ZFHX3: variants seen among roughly 807,000 people sequenced by gnomAD.
The protein encoded by ZFHX3 is zinc finger homeobox 3.
Under a neutral mutation model 279.1 loss-of-function variants are expected in ZFHX3, and 42 were observed. The ratio of observed to expected loss-of-function variants is 0.15; its 90% CI spans 0.12 to 0.19. The LOEUF is 0.19. Ranked by LOEUF, ZFHX3 falls within the 10% of genes least tolerant of loss-of-function variation. ZFHX3 has a pLI of 1.00. For synonymous variants in ZFHX3, 2,293 were observed against 1,957.8 expected (o/e 1.17, Z -4.52); for missense variants, 4,981 against 4,754.0 (o/e 1.05, Z -1.40).
At chr16:73,320,384 ATACTC>A (rs2015551996) in intron 3 of ZFHX3, among the ~76,000 whole-genome samples, 1 of 152,238 alleles carries the variant, frequency 6.6e-6, no homozygotes, top group African/African-American at 2.4e-5. Context: ...CTTAAATAAA[ATACTC>A]TAATAACCGC....
chr16:73,883,550 A>C (rs2030246561), intron 1 of ZFHX3, among the ~76,000 whole-genome samples: 1 of 152,022 alleles, frequency 6.6e-6, no homozygotes, highest in Admixed American at 6.6e-5. Flanking sequence ...CTCAGAACTT[A>C]AGGTTTGCTA....
At chr16:72,858,690 G>A (rs775425582) in intron 4 of ZFHX3, among the ~76,000 whole-genome samples, 4 of 152,234 alleles carry the variant, frequency 2.6e-5, no homozygotes, top group Non-Finnish European at 5.9e-5. Context: ...GCGAGCAGCC[G>A]TGAGTGCTGC....
intron 1 of ZFHX3, among the ~76,000 whole-genome samples, chr16:73,027,665 C>T (rs921965407): frequency 6.6e-6 from 1 of 152,120 alleles, no homozygotes; most frequent in Admixed American, 6.5e-5. Flanking sequence ...CTCCCCACTG[C>T]CCCCACCACC....
chr16:73,584,335 T>C (rs796685603), intron 2 of ZFHX3, among the ~76,000 whole-genome samples: 20 of 152,222 alleles, frequency 1.3e-4, no homozygotes, highest in African/African-American at 4.8e-4. Context: ...TATCTAAACC[T>C]CTCATAATGA....
intron 2 of ZFHX3, among the ~76,000 whole-genome samples, chr16:73,459,919 A>G (rs1254824877): frequency 6.6e-6 from 1 of 152,178 alleles, no homozygotes; most frequent in Non-Finnish European, 1.5e-5. Flanking sequence ...CTCTCCCTTG[A>G]CACATGGTGA....
intron 2 of ZFHX3, among the ~76,000 whole-genome samples, chr16:73,488,937 A>G (rs899117580): frequency 6.6e-6 from 1 of 152,198 alleles, no homozygotes; most frequent in African/African-American, 2.4e-5. Flanking sequence ...TGGAACTAAT[A>G]ATAGTTCCTA....
intron 1 of ZFHX3, among the ~76,000 whole-genome samples, chr16:73,862,233 G>T (rs545039493): frequency 2.0e-5 from 3 of 152,290 alleles, no homozygotes; most frequent in East Asian, 1.9e-4. Context: ...TCTAGGTTCC[G>T]TCCTGGAAGC....
intron 5 of ZFHX3, 31 bp from the exon 6 acceptor site, chr16:72,812,069 C>T (rs1483806450): frequency 6.2e-7 from 1 of 1,609,932 alleles, no homozygotes; most frequent in South Asian, 1.1e-5. Context: ...TGCAATACAG[C>T]AGCCAGACCA....
At chr16:73,589,259 CAAAAAAAAAAAAA>C (rs34481194) in intron 2 of ZFHX3, among the ~76,000 whole-genome samples, 4 of 30,934 alleles carry the variant, frequency 1.3e-4, no homozygotes, top group South Asian at 2.6e-3. Context: ...GATTCTGTCT[CAAAAAAAAAAAAA>C]AAAAAAAAAA....
exon 6 of ZFHX3, chr16:73,143,777 A>G: frequency 7.7e-7 from 1 of 1,305,212 alleles, no homozygotes; most frequent in East Asian, 5.5e-5. Flanking sequence ...AAAGCTGGAC[A>G]CCATCCAATA....
chr16:73,608,800 A>T (rs931237374), intron 2 of ZFHX3: 3 of 152,216 alleles, frequency 2.0e-5, no homozygotes, highest in African/African-American at 7.2e-5. Context: ...TCCAGATTTA[A>T]TAAGTATTCA....
intron 1 of ZFHX3, among the ~76,000 whole-genome samples, chr16:73,800,362 T>C (rs570872016): frequency 6.6e-6 from 1 of 152,176 alleles, no homozygotes; most frequent in African/African-American, 2.4e-5. Flanking sequence ...GGACTACAGA[T>C]GCACACCACC....
chr16:73,355,443 C>T (rs2016323553), intron 3 of ZFHX3, among the ~76,000 whole-genome samples: 1 of 152,154 alleles, frequency 6.6e-6, no homozygotes, highest in Non-Finnish European at 1.5e-5. Flanking sequence ...CCACAGACTC[C>T]TTCAACTAGG....
At chr16:73,174,053 C>G (rs1339358107) in intron 5 of ZFHX3, among the ~76,000 whole-genome samples, 1 of 152,150 alleles carries the variant, frequency 6.6e-6, no homozygotes, top group Admixed American at 6.5e-5. Context: ...GTGTGAGCGT[C>G]CTCAAGGCTT....
intron 3 of ZFHX3, among the ~76,000 whole-genome samples, chr16:73,331,730 G>A (rs966981973): frequency 2.0e-5 from 3 of 152,174 alleles, no homozygotes; most frequent in Non-Finnish European, 2.9e-5. Context: ...CATTCCCAGG[G>A]ACCTGGAACT....
chr16:73,367,305 C>G (rs6564058), intron 3 of ZFHX3, among the ~76,000 whole-genome samples: 1 of 152,028 alleles, frequency 6.6e-6, no homozygotes, highest in East Asian at 1.9e-4. Context: ...GATGGCTCAC[C>G]GCCCAGAAGA....
At chr16:73,362,826 GCAAA>G (rs766398869) in intron 3 of ZFHX3, among the ~76,000 whole-genome samples, 8 of 152,206 alleles carry the variant, frequency 5.3e-5, no homozygotes, top group Non-Finnish European at 1.0e-4. Context: ...AGCTAAAATA[GCAAA>G]CAGAGTACGG....
chr16:72,858,266 C>T (rs1000881093), intron 4 of ZFHX3, among the ~76,000 whole-genome samples: 2 of 152,160 alleles, frequency 1.3e-5, no homozygotes, highest in Non-Finnish European at 2.9e-5. Flanking sequence ...TTATTTCTTC[C>T]TTCACGAACA....
chr16:73,840,776 C>A (rs147275394), intron 1 of ZFHX3, among the ~76,000 whole-genome samples: 11 of 152,254 alleles, frequency 7.2e-5, no homozygotes, highest in Non-Finnish European at 1.5e-4. Context: ...TTGAAGTAAG[C>A]CCATGACAAT....
Sources: gnomAD v4.1 joint callset for allele counts (sites outside exome capture counted in the v4.1 genomes callset) on GRCh38, gnomAD v4.1.1 for gene constraint, MANE v1.5 for transcripts, NCBI Gene and HGNC (gene_info 2026-07-23, HGNC 2026-07-21) for gene names.